MYOM2: variants seen among roughly 807,000 people sequenced by gnomAD.
MYOM2 encodes the protein myomesin 2.
A neutral mutation model predicts 187.6 loss-of-function variants in MYOM2; 254 were observed. That is an observed-to-expected ratio of 1.35 (90% CI 1.22 to 1.50). The LOEUF (loss-of-function observed/expected upper bound fraction) is 1.50. Ranked by LOEUF, MYOM2 falls within the 40% of genes most tolerant of loss-of-function variation. The probability of loss-of-function intolerance (pLI) is 0.00; values close to 1 mark genes in which losing one functional copy is unlikely to be tolerated. For synonymous variants in MYOM2, 981 were observed against 753.8 expected (o/e 1.30, Z -4.94); for missense variants, 2,796 against 1,924.0 (o/e 1.45, Z -8.48).
intron 1 of MYOM2, among the ~76,000 whole-genome samples, chr8:2,047,306 G>A (rs562415546): frequency 5.8e-4 from 88 of 152,278 alleles, no homozygotes; most frequent in African/African-American, 2.0e-3. Flanking sequence ...GGCTGGGTGA[G>A]GGACACTGGG....
rs1417427157 is a variant in MYOM2, at chr8:2,069,332, A to T, written c.708A>T (p.Gly236=). The change falls in exon 7 of 37, where the codon GGA becomes GGT. Residue 236 remains glycine (G), a synonymous_variant. Transcript: ENST00000262113. The part of the protein sequence containing the change: ...TYSAVATNAH[G]QVSTNAAVVV... ...CAGCAGTGGCCACCAATGCCCACGG[A>T]CAAGTGTCCACCAACGCGGCGGTGG... 1 of 1,613,954 alleles carries T rather than the reference A, an allele frequency of 6.2e-7. No individual in the cohort carries two copies. The highest frequency in any genetic ancestry group is 8.5e-7 in the Non-Finnish European group (1 of 1,179,956).
At chr8:2,067,512 C>T (rs1027106544) in intron 6 of MYOM2, among the ~76,000 whole-genome samples, 5 of 152,104 alleles carry the variant, frequency 3.3e-5, no homozygotes, top group Non-Finnish European at 7.3e-5. Context: ...TGAGGATGAA[C>T]GTGGAAATGC....
At chr8:2,090,335 A>C in intron 15 of MYOM2, 144 bp downstream of exon 15, 1 of 678,308 alleles carries the variant, frequency 1.5e-6, no homozygotes, top group Non-Finnish European at 2.2e-6. Flanking sequence ...TTTACGAGAG[A>C]TTAAGAGCTC....
intron 31 of MYOM2, 99 bp from the exon 32 acceptor site, chr8:2,129,028 T>C: frequency 1.3e-6 from 1 of 747,530 alleles, no homozygotes; most frequent in Non-Finnish European, 2.3e-6. Context: ...GAGAACAGGA[T>C]TGCAGGTGGG....
chr8:2,083,570 A>G (rs1455167333), intron 13 of MYOM2, among the ~76,000 whole-genome samples: 1 of 152,160 alleles, frequency 6.6e-6, no homozygotes, highest in Non-Finnish European at 1.5e-5. Context: ...TCGTGTGCTC[A>G]GCAGTATCTT....
chr8:2,110,872 C>G (rs899835556), intron 25 of MYOM2, among the ~76,000 whole-genome samples: 2 of 152,308 alleles, frequency 1.3e-5, no homozygotes, highest in African/African-American at 4.8e-5. Context: ...GAATTTTCTT[C>G]TCCAGTCAGT....
rs1472096882 is a variant in MYOM2, at chr8:2,066,132, C to T, written c.654-3146C>T. 5.9e-5 allele frequency among the ~76,000 whole-genome samples: 9 copies of T among 152,338 alleles called. No homozygotes were observed. In the East Asian group the frequency reaches 1.7e-3, roughly 30 times the overall value. On this transcript the variant is annotated intron_variant, in intron 6 of 36. Coordinates refer to ENST00000262113, the MANE Select transcript of MYOM2 (RefSeq NM_003970.4). ...GACGGTGACCTGCTGGGCTTGGGGA[C>T]AGCCCGTGCCCTGGTCCAGCCGGGT...
chr8:2,061,526 C>T (rs1818851653), intron 6 of MYOM2, among the ~76,000 whole-genome samples: 1 of 152,146 alleles, frequency 6.6e-6, no homozygotes, highest in South Asian at 2.1e-4. Context: ...CCAGCTCTTC[C>T]TGATGCTCAT....
chr8:2,093,022 T>G (rs1029074931), intron 16 of MYOM2, among the ~76,000 whole-genome samples: 1 of 152,132 alleles, frequency 6.6e-6, no homozygotes, highest in African/African-American at 2.4e-5. Context: ...TGACCCTGCC[T>G]TTGGAGAGAC....
In MYOM2 at chr8:2,145,178, C is replaced by T. The variant is rs1446845328; in HGVS notation, c.*197C>T. ...TAAGGGAGAAAGCTAATGTTTTCCA[C>T]AAGACTGAACAACGTGTATTTACAC... On this transcript the variant is annotated 3_prime_UTR_variant, in exon 37 of 37. Transcript: ENST00000262113. 3.2e-6 allele frequency: 2 copies of T among 629,840 alleles called. No individual in the cohort carries two copies. The highest frequency in any genetic ancestry group is 5.4e-6 in the Non-Finnish European group (2 of 369,582). 39.0% of individuals were successfully genotyped at this position (629,840 alleles called of 1,614,324 possible).
intron 36 of MYOM2, 136 bp downstream of exon 36, chr8:2,143,592 C>T (rs561029344): frequency 7.7e-6 from 8 of 1,043,404 alleles, no homozygotes; most frequent in South Asian, 5.4e-5. Context: ...AACCCAGAGT[C>T]CCCCCCACTT....
rs1294666722 is a variant in MYOM2, at chr8:2,142,405, C to T, written c.4024+8C>T. The T allele has an allele frequency of 6.2e-7, 1 of 1,613,600 alleles. No individual in the cohort carries two copies. Among genetic ancestry groups the T allele is most frequent in the Non-Finnish European group, 8.5e-7 (1 of 1,179,516 alleles). ...CTGCTTTTGCAGAGAAGAGTAAGTA[C>T]CTGTTGGATTGTAACCAGGATGGTG... On this transcript the variant is annotated splice_region_variant and intron_variant, in intron 35 of 36. Coordinates refer to ENST00000262113, the MANE Select transcript of MYOM2 (RefSeq NM_003970.4).
chr8:2,129,539 GA>G (rs1344683090), intron 32 of MYOM2, among the ~76,000 whole-genome samples: 2 of 152,168 alleles, frequency 1.3e-5, no homozygotes, highest in African/African-American at 4.8e-5. Flanking sequence ...ACAGAGAGCT[GA>G]AGCAGAACTA....
intron 1 of MYOM2, among the ~76,000 whole-genome samples, chr8:2,046,758 T>TC (rs755728344): frequency 3.4e-5 from 5 of 145,374 alleles, no homozygotes; most frequent in Non-Finnish European, 7.7e-5. Context: ...TTTCTTTTTT[T>TC]TTTTTTTGGT....
chr8:2,065,034 C>T (rs1244836968), intron 6 of MYOM2, among the ~76,000 whole-genome samples: 1 of 152,210 alleles, frequency 6.6e-6, no homozygotes, highest in African/African-American at 2.4e-5. Context: ...GCTATTATTT[C>T]TTAGTTACTA....
intron 21 of MYOM2, among the ~76,000 whole-genome samples, chr8:2,104,818 C>G (rs1248850637): frequency 6.6e-6 from 1 of 152,282 alleles, no homozygotes; most frequent in African/African-American, 2.4e-5. Context: ...TTTACTCTCA[C>G]TGGAACTACT....
intron 32 of MYOM2, among the ~76,000 whole-genome samples, chr8:2,134,513 C>T (rs1199036545): frequency 2.0e-5 from 3 of 147,144 alleles, no homozygotes; most frequent in African/African-American, 7.8e-5. Flanking sequence ...CCTCCGCAGA[C>T]CTGTGTGCTG....
intron 6 of MYOM2, among the ~76,000 whole-genome samples, chr8:2,060,937 C>T (rs374356993): frequency 1.4e-4 from 21 of 151,456 alleles, no homozygotes; most frequent in African/African-American, 4.9e-4. Context: ...TAGGGTAGGG[C>T]GGATGGGAAA....
chr8:2,131,266 C>A (rs951529649), intron 32 of MYOM2, among the ~76,000 whole-genome samples: 1 of 152,186 alleles, frequency 6.6e-6, no homozygotes, highest in Non-Finnish European at 1.5e-5. Flanking sequence ...CACAAATACC[C>A]TGTGAGTTAG....
Sources: allele counts gnomAD v4.1 joint callset (sites outside exome capture counted in the v4.1 genomes callset), GRCh38; gene constraint gnomAD v4.1.1; transcripts MANE v1.5; gene names NCBI Gene and HGNC (gene_info 2026-07-23, HGNC 2026-07-21).